LITAF: variants seen among roughly 807,000 people sequenced by gnomAD.
LITAF encodes the protein lipopolysaccharide induced TNF factor, also known as lipopolysaccharide-induced tumor necrosis factor-alpha factor.
In LITAF, 9 loss-of-function variants were observed where a neutral mutation model predicts 14.5. That is an observed-to-expected ratio of 0.62 (90% CI 0.37 to 1.08). LITAF has a LOEUF of 1.08. Among genes scored for constraint, LITAF ranks in the 50% least tolerant of loss-of-function variants. The pLI, the probability that LITAF is intolerant of heterozygous loss-of-function variation, is 0.01. For synonymous variants in LITAF, 98 were observed against 88.2 expected, an observed-to-expected ratio of 1.11 and a Z score of -0.62; for missense variants, 206 against 213.4, an observed-to-expected ratio of 0.97 and a Z score of 0.22.
intron 1 of LITAF, among the ~76,000 whole-genome samples, chr16:11,577,915 G>A (rs2064667093): frequency 6.6e-6 from 1 of 151,162 alleles, no homozygotes; most frequent in South Asian, 2.1e-4. Flanking sequence ...GTAGAGATGG[G>A]GTCTTGCTCA....
chr16:11,599,157 C>T (rs1358776459), upstream of LITAF, among the ~76,000 whole-genome samples: 1 of 151,618 alleles, frequency 6.6e-6, no homozygotes, highest in Non-Finnish European at 1.5e-5. Context: ...CTCACTCTGT[C>T]ACCCAGGCTA....
intron 3 of LITAF, among the ~76,000 whole-genome samples, chr16:11,625,214 G>T (rs2065076515): frequency 6.6e-6 from 1 of 151,804 alleles, no homozygotes; most frequent in Non-Finnish European, 1.5e-5. Flanking sequence ...GAAGGTCACT[G>T]TGGTCCGGTG....
intron 3 of LITAF, among the ~76,000 whole-genome samples, chr16:11,630,498 C>T (rs1021268216): frequency 1.3e-5 from 2 of 151,988 alleles, no homozygotes; most frequent in South Asian, 2.1e-4. Context: ...TCCAGGCACA[C>T]AGGAGTCCCT....
intron 1 of LITAF, among the ~76,000 whole-genome samples, chr16:11,597,521 G>A (rs1354606848): frequency 6.6e-6 from 1 of 152,144 alleles, no homozygotes; most frequent in Non-Finnish European, 1.5e-5. Context: ...AGAGAGGTCA[G>A]GCAGGTTGTC....
At chr16:11,594,399 G>C (rs915833118) in intron 1 of LITAF, among the ~76,000 whole-genome samples, 2 of 151,974 alleles carry the variant, frequency 1.3e-5, no homozygotes, top group African/African-American at 4.8e-5. Context: ...CAATACCCCA[G>C]GAATCACACG....
chr16:11,554,645 G>A lies in LITAF; in HGVS notation c.221-956C>T, dbSNP rs145161466. Among the ~76,000 whole-genome samples the A allele has an allele frequency of 2.6e-3, 397 of 151,838 alleles. 1 individual carries two copies. Among genetic ancestry groups the A allele is most frequent in the Non-Finnish European group, 2.4e-3 (162 of 67,934 alleles). Reference sequence around the variant, plus strand: ...CTGTTTCTAAAGACAAAAATTAGCCGGGCATGATGGCACGTGCCTGTAGTC... The same window carrying A: ...CTGTTTCTAAAGACAAAAATTAGCCAGGCATGATGGCACGTGCCTGTAGTC... On this transcript the variant is annotated intron_variant, in intron 2 of 3. Transcript: ENST00000622633.
rs2064147465 is a variant in LITAF at position 11,549,197 on chromosome 16, A to G, written c.*440T>C. 1 of 453,048 alleles carries G rather than the reference A, an allele frequency of 2.2e-6. No homozygotes were observed. Among genetic ancestry groups the G allele is most frequent in the Non-Finnish European group, 4.4e-6 (1 of 226,080 alleles). 28.1% of individuals were successfully genotyped at this position (453,048 alleles called of 1,614,324 possible). The stretch of plus-strand genomic sequence containing the variant: ...AGAGACGGATAAGATAATGGTAGGC[A>G]CTAAAGGCTGGTTCAGCCGAGCTCT... On this transcript the variant is annotated 3_prime_UTR_variant, in exon 4 of 4. Coordinates refer to ENST00000622633, the MANE Select transcript of LITAF (RefSeq NM_001136472.2). The surrounding 1 kb of genome is among the most constrained non-coding windows in gnomAD (Gnocchi z 4.6).
rs139587670 is a variant in LITAF, at chr16:11,608,217, G to C, written c.85+25316C>G. Among the ~76,000 whole-genome samples, 7 of 152,324 alleles carry C rather than the reference G, an allele frequency of 4.6e-5. No individual in the cohort carries two copies. In the East Asian group the frequency reaches 1.4e-3, roughly 29 times the overall value. The stretch of plus-strand genomic sequence containing the variant: ...CAGAGAAGCTGAGCGAGTGGCCCAA[G>C]ATCACACCGCAAGCACAGCCCAGGA... On this transcript the variant is annotated intron_variant, in intron 3 of 3. Coordinates refer to the LITAF transcript ENST00000574848.
At chr16:11,583,271 A>T (rs1428763868) in intron 1 of LITAF, among the ~76,000 whole-genome samples, 2 of 152,198 alleles carry the variant, frequency 1.3e-5, no homozygotes, top group African/African-American at 4.8e-5. Context: ...AGCCAGGTTC[A>T]AGCATGGCGT....
chr16:11,587,659 T>C (rs2064822491), upstream of LITAF: 1 of 228,548 alleles, frequency 4.4e-6, no homozygotes, highest in Admixed American at 5.4e-5. Context: ...CAGCCATCAC[T>C]GAAAGCAAGC....
At chr16:11,604,425 G>T (rs974702312) in intron 3 of LITAF, among the ~76,000 whole-genome samples, 2 of 152,092 alleles carry the variant, frequency 1.3e-5, no homozygotes, top group South Asian at 2.1e-4. Context: ...TGTTTAGATA[G>T]CAAAGGGAAT....
chr16:11,597,994 C>A (rs1026853174), intron 1 of LITAF, among the ~76,000 whole-genome samples: 5 of 152,184 alleles, frequency 3.3e-5, no homozygotes, highest in Non-Finnish European at 7.4e-5. Context: ...GCAGCCTCTA[C>A]CTCCTGAGCA....
At chr16:11,562,052 G>T (rs190914188) in intron 1 of LITAF, among the ~76,000 whole-genome samples, 148 of 152,040 alleles carry the variant, frequency 9.7e-4, no homozygotes, top group African/African-American at 3.5e-3. Context: ...TGGAGTAGGT[G>T]GGACTACAGG....
chr16:11,590,127 TA>T (rs61198634), upstream of LITAF, among the ~76,000 whole-genome samples: 116 of 86,154 alleles, frequency 1.3e-3, 4 homozygotes, highest in Admixed American at 1.7e-3. Flanking sequence ...ACCCCATCTC[TA>T]AAAAAAAAAA....
chr16:11,613,636 G>A (rs2064997287), intron 3 of LITAF, among the ~76,000 whole-genome samples: 1 of 152,246 alleles, frequency 6.6e-6, no homozygotes, highest in Non-Finnish European at 1.5e-5. Flanking sequence ...CCAGGAGGAA[G>A]TGGCTCTTGT....
chr16:11,565,006 C>CTTTTT lies in LITAF; in HGVS notation c.-5-8276_-5-8272dup, dbSNP rs34798243. 3.7e-5 allele frequency among the ~76,000 whole-genome samples: 5 copies of CTTTTT among 136,410 alleles called. 1 individual carries two copies. Among genetic ancestry groups the CTTTTT allele is most frequent in the Non-Finnish European group, 6.2e-5 (4 of 64,442 alleles). The allele number at this position is 136,410 out of a possible 152,430, so 89.5% of individuals were successfully genotyped here. A position where few individuals can be genotyped will look rare whatever the true frequency, so the allele number is the denominator to read the frequency against. ...GAACTTACTAAATGCACTGAATTAT[C>CTTTTT]TTTTTTTTTTTTTTTGAGATAGAGT... is the stretch of plus-strand genomic sequence containing the variant. On this transcript the variant is annotated intron_variant, in intron 1 of 3. Transcript: ENST00000622633.
At chr16:11,576,319 A>G (rs893894881) in intron 1 of LITAF, among the ~76,000 whole-genome samples, 1 of 152,166 alleles carries the variant, frequency 6.6e-6, no homozygotes, top group South Asian at 2.1e-4. Context: ...AAATCCAAAA[A>G]TTAGCTGGGC....
At chr16:11,552,098 G>C (rs11860018) in intron 3 of LITAF, among the ~76,000 whole-genome samples, 1 of 152,174 alleles carries the variant, frequency 6.6e-6, no homozygotes, top group South Asian at 2.1e-4. Flanking sequence ...ATTGAAGTTA[G>C]GAAGAGAAAT....
chr16:11,581,254 T>C (rs2141829883), intron 1 of LITAF, among the ~76,000 whole-genome samples: 1 of 152,344 alleles, frequency 6.6e-6, no homozygotes, highest in South Asian at 2.1e-4. Flanking sequence ...AGAAAGAAAG[T>C]CTTCTCTCTC....
Sources: gnomAD v4.1 joint callset for allele counts (sites outside exome capture counted in the v4.1 genomes callset) on GRCh38, gnomAD v4.1.1 for gene constraint, Gnocchi (gnomAD v3.1) non-coding constraint, MANE v1.5 for transcripts, NCBI Gene and HGNC (gene_info 2026-07-23, HGNC 2026-07-21) for gene names.